Variants in GLIS3 observed in about 807,000 individuals in gnomAD.
The protein encoded by GLIS3 is GLIS family zinc finger 3, also known as zinc finger protein GLIS3.
A neutral mutation model predicts 78.6 loss-of-function variants in GLIS3; 53 were observed. The observed-to-expected ratio is 0.67, with a 90% CI of 0.54 to 0.85. The LOEUF (loss-of-function observed/expected upper bound fraction) is 0.85, where lower values mean the gene tolerates loss of function less well. GLIS3 is among the 40% of genes least tolerant of loss of function. GLIS3 has a pLI of 0.00. For synonymous variants in GLIS3, 684 were observed against 509.9 expected (o/e 1.34, Z -4.60); for missense variants, 1,703 against 1,231.1 (o/e 1.38, Z -5.74).
chr9:4,136,970 C>T (rs1168753463), intron 2 of GLIS3, among the ~76,000 whole-genome samples: 2 of 152,144 alleles, frequency 1.3e-5, no homozygotes, highest in South Asian at 2.1e-4. Flanking sequence ...GCATCTGGGA[C>T]CTTGTGCTAT....
chr9:4,066,351 G>T (rs544747243), intron 4 of GLIS3, among the ~76,000 whole-genome samples: 2 of 152,080 alleles, frequency 1.3e-5, no homozygotes, highest in African/African-American at 4.8e-5. Flanking sequence ...ATCCTCTGGA[G>T]TGCATATTCC....
chr9:4,067,563 G>C (rs976656575), intron 4 of GLIS3, among the ~76,000 whole-genome samples: 7 of 152,012 alleles, frequency 4.6e-5, no homozygotes, highest in African/African-American at 1.7e-4. Context: ...TGCAAAAAAA[G>C]GAGAATATTT....
chr9:4,401,571 C>CTTTTCTTTTTTTTTTTTTT, the GLIS3 span, among the ~76,000 whole-genome samples: 1 of 120,670 alleles, frequency 8.3e-6, no homozygotes, highest in African/African-American at 3.0e-5. Context: ...TCCTTTCTTT[C>CTTTTCTTTTTTTTTTTTTT]TTTTTTTTTT....
At chr9:4,429,847 A>G in the GLIS3 span, among the ~76,000 whole-genome samples, 1 of 152,252 alleles carries the variant, frequency 6.6e-6, no homozygotes, top group South Asian at 2.1e-4. Flanking sequence ...GAGAGCCTGA[A>G]ACTAAAGCGG....
At chr9:4,211,521 T>C (rs890960985) in intron 2 of GLIS3, among the ~76,000 whole-genome samples, 1 of 152,234 alleles carries the variant, frequency 6.6e-6, no homozygotes, top group African/African-American at 2.4e-5. Flanking sequence ...AAAGGGCATA[T>C]AGCCTTGGTT....
chr9:4,399,481 C>A, the GLIS3 span, among the ~76,000 whole-genome samples: 1 of 152,154 alleles, frequency 6.6e-6, no homozygotes, highest in African/African-American at 2.4e-5. Flanking sequence ...ATAATTTTCC[C>A]AAGGTCTCAT....
At chr9:4,351,378 A>G (rs1469076845), upstream of GLIS3, among the ~76,000 whole-genome samples, 2 of 144,010 alleles carry the variant, frequency 1.4e-5, no homozygotes, top group Non-Finnish European at 3.0e-5. Context: ...GCACTCAAGC[A>G]TGGGCAACAG....
intron 2 of GLIS3, among the ~76,000 whole-genome samples, chr9:4,167,780 A>G (rs1360191942): frequency 6.6e-6 from 1 of 152,190 alleles, no homozygotes; most frequent in African/African-American, 2.4e-5. Context: ...TCCAACAGTA[A>G]TACTTATTTT....
intron 4 of GLIS3, among the ~76,000 whole-genome samples, chr9:3,948,382 A>C (rs979763734): frequency 6.6e-6 from 1 of 152,220 alleles, no homozygotes; most frequent in African/African-American, 2.4e-5. Flanking sequence ...ATGGCTAAGA[A>C]ACTGTCATTA....
At chr9:4,347,718 G>A (rs147255383) in intron 1 of GLIS3, among the ~76,000 whole-genome samples, 2 of 152,046 alleles carry the variant, frequency 1.3e-5, no homozygotes, top group Admixed American at 6.5e-5. Context: ...GTTTGTTTTT[G>A]GTTTGGTTTT....
At chr9:4,457,859 A>G in the GLIS3 span, among the ~76,000 whole-genome samples, 2 of 151,850 alleles carry the variant, frequency 1.3e-5, no homozygotes, top group East Asian at 3.9e-4. Flanking sequence ...AAAAAAAAAA[A>G]AAAAAATTGC....
At chr9:3,948,821 T>G (rs1816477222) in intron 4 of GLIS3, among the ~76,000 whole-genome samples, 1 of 152,228 alleles carries the variant, frequency 6.6e-6, no homozygotes, top group Non-Finnish European at 1.5e-5. Flanking sequence ...TTCCTTTATT[T>G]TATCTCTTTG....
chr9:4,076,989 G>A (rs1160994735), intron 4 of GLIS3, among the ~76,000 whole-genome samples: 1 of 152,186 alleles, frequency 6.6e-6, no homozygotes, highest in Admixed American at 6.5e-5. Flanking sequence ...AGCCAGGGAG[G>A]TGGAGGTTGC....
chr9:4,177,927 G>C (rs761857592), intron 2 of GLIS3, among the ~76,000 whole-genome samples: 3 of 152,156 alleles, frequency 2.0e-5, no homozygotes, highest in African/African-American at 7.2e-5. Flanking sequence ...CTTGGTTCCT[G>C]GATGAGATGA....
chr9:4,480,050 C>T, the GLIS3 span, among the ~76,000 whole-genome samples: 7 of 151,758 alleles, frequency 4.6e-5, no homozygotes, highest in African/African-American at 7.2e-5. Context: ...GCGTGAGCCA[C>T]GGCGCCTGGC....
At chr9:4,037,597 C>T (rs948402697) in intron 4 of GLIS3, among the ~76,000 whole-genome samples, 31 of 144,780 alleles carry the variant, frequency 2.1e-4, no homozygotes, top group Middle Eastern at 3.5e-3. Flanking sequence ...GACAATAAAT[C>T]CTGGGGGAAC....
At chr9:3,969,267 GTCTATTAT>G (rs1264693848) in intron 4 of GLIS3, among the ~76,000 whole-genome samples, 1 of 152,168 alleles carries the variant, frequency 6.6e-6, no homozygotes, top group Non-Finnish European at 1.5e-5. Flanking sequence ...CTCCTTTTCA[GTCTATTAT>G]TCTTTCTTTG....
chr9:4,337,864 T>C (rs1174818052), intron 2 of GLIS3, among the ~76,000 whole-genome samples: 1 of 152,124 alleles, frequency 6.6e-6, no homozygotes, highest in Non-Finnish European at 1.5e-5. Flanking sequence ...GAGGCAACTA[T>C]TACCCCCATT....
At chr9:3,947,707 T>C (rs1466615382) in intron 4 of GLIS3, among the ~76,000 whole-genome samples, 2 of 152,224 alleles carry the variant, frequency 1.3e-5, no homozygotes, top group Non-Finnish European at 1.5e-5. Context: ...TAATGGCTCT[T>C]GCTATTCCAG....
Sources: gnomAD v4.1 joint callset for allele counts (sites outside exome capture counted in the v4.1 genomes callset) on GRCh38, gnomAD v4.1.1 for gene constraint, MANE v1.5 for transcripts, NCBI Gene and HGNC (gene_info 2026-07-23, HGNC 2026-07-21) for gene names.